GNAO1: variants seen among roughly 807,000 people sequenced by gnomAD.
GNAO1 encodes guanine nucleotide-binding protein G(o) subunit alpha.
For synonymous variants in GNAO1, 164 were observed against 180.7 expected (o/e 0.91, Z 0.74); for missense variants, 166 against 478.7 (o/e 0.35, Z 6.10).
At chr16:56,309,348 A>T (rs2037431292) in intron 3 of GNAO1, among the ~76,000 whole-genome samples, 1 of 152,130 alleles carries the variant, frequency 6.6e-6, no homozygotes, top group South Asian at 2.1e-4. Context: ...AGAGATGGGG[A>T]GAGATGATAG....
At chr16:56,234,848 GT>G (rs570476340) in intron 2 of GNAO1, among the ~76,000 whole-genome samples, 176 of 152,018 alleles carry the variant, frequency 1.2e-3, no homozygotes, top group African/African-American at 4.0e-3. Context: ...GTCTACCTCT[GT>G]CCCCCTGGTC....
At chr16:56,228,015 C>A (rs1402179368) in intron 2 of GNAO1, among the ~76,000 whole-genome samples, 2 of 152,168 alleles carry the variant, frequency 1.3e-5, no homozygotes, top group Non-Finnish European at 2.9e-5. Context: ...CCTCCATTCC[C>A]TGCCTGGGCA....
At chr16:56,300,035 GTGCGCGCGCGCGCGCGCACGCACA>G (rs1446999252) in intron 3 of GNAO1, among the ~76,000 whole-genome samples, 4 of 96,856 alleles carry the variant, frequency 4.1e-5, no homozygotes, top group East Asian at 5.5e-4. Context: ...GTGTGTGTGT[GTGCGCGCGCGCGCGCGCACGCACA>G]TGTGCTTGTG....
chr16:56,195,534 T>C (rs2036224987), intron 2 of GNAO1, among the ~76,000 whole-genome samples: 1 of 152,194 alleles, frequency 6.6e-6, no homozygotes, highest in Non-Finnish European at 1.5e-5. Flanking sequence ...GGCCCGAAAA[T>C]CTAGGTGGCA....
intron 2 of GNAO1, among the ~76,000 whole-genome samples, chr16:56,238,520 C>T (rs1040129240): frequency 3.9e-5 from 6 of 152,194 alleles, no homozygotes; most frequent in African/African-American, 1.4e-4. Flanking sequence ...TTAATAATGT[C>T]AACATAGTGG....
chr16:56,271,852 A>C (rs2037021099), intron 2 of GNAO1, among the ~76,000 whole-genome samples: 1 of 152,218 alleles, frequency 6.6e-6, no homozygotes, highest in Admixed American at 6.5e-5. Context: ...ACCGAGGCTC[A>C]GGAGATTAAA....
At chr16:56,271,690 T>C (rs2037019664) in intron 2 of GNAO1, among the ~76,000 whole-genome samples, 1 of 152,192 alleles carries the variant, frequency 6.6e-6, no homozygotes. Flanking sequence ...CCTGACCTCG[T>C]GATCTGCCTG....
At chr16:56,350,952 G>A (rs2097807075) in intron 6 of GNAO1, among the ~76,000 whole-genome samples, 2 of 151,538 alleles carry the variant, frequency 1.3e-5, no homozygotes, top group Admixed American at 6.6e-5. Context: ...GATGCACACA[G>A]GCATGCACAC....
At chr16:56,216,646 A>T (rs745465223) in intron 2 of GNAO1, among the ~76,000 whole-genome samples, 33 of 152,346 alleles carry the variant, frequency 2.2e-4, no homozygotes, top group Non-Finnish European at 4.0e-4. Flanking sequence ...AGGAGTATCA[A>T]ATGATATAAT....
intron 2 of GNAO1, among the ~76,000 whole-genome samples, chr16:56,275,295 G>A (rs994994934): frequency 2.0e-5 from 3 of 152,232 alleles, no homozygotes; most frequent in East Asian, 1.9e-4. Context: ...GCAGTGCCAC[G>A]TGGCCTCTGA....
intron 2 of GNAO1, chr16:56,255,389 A>C (rs1163823380): frequency 6.6e-6 from 1 of 152,218 alleles, no homozygotes; most frequent in African/African-American, 2.4e-5. Context: ...TCCTCTAAAA[A>C]ATGATGGGCA....
intron 3 of GNAO1, among the ~76,000 whole-genome samples, chr16:56,280,903 G>A (rs1266896530): frequency 1.3e-5 from 2 of 152,146 alleles, no homozygotes; most frequent in Non-Finnish European, 2.9e-5. Flanking sequence ...TGAAGCTCTG[G>A]GAATTACTGA....
chr16:56,345,528 C>A (rs552003909), intron 6 of GNAO1: 994 of 984,738 alleles, frequency 1.0e-3, no homozygotes, highest in Non-Finnish European at 1.1e-3. Context: ...GACCCAGGAA[C>A]CTTCCCTAGT....
intron 2 of GNAO1, among the ~76,000 whole-genome samples, chr16:56,198,548 C>T (rs1321347550): frequency 6.6e-6 from 1 of 152,200 alleles, no homozygotes; most frequent in Non-Finnish European, 1.5e-5. Flanking sequence ...CTACTGCTAA[C>T]TAAATATGTG....
chr16:56,243,146 C>G (rs1016760274), intron 2 of GNAO1, among the ~76,000 whole-genome samples: 12 of 151,754 alleles, frequency 7.9e-5, no homozygotes, highest in African/African-American at 2.9e-4. Flanking sequence ...AAAACAAGCT[C>G]AGGGCTCCCA....
intron 2 of GNAO1, chr16:56,193,520 G>GCCC (rs2036201731): frequency 6.1e-6 from 1 of 162,760 alleles, no homozygotes; most frequent in African/African-American, 2.4e-5. Context: ...ACTTGCCGCC[G>GCCC]CCCCCTTCTG....
rs563483731 is a variant in GNAO1 at position 56,344,326 on chromosome 16, C to T, written c.724-7058C>T. On this transcript the variant is annotated intron_variant, in intron 6 of 8. Transcript: ENST00000262493. ...CCTGTCATCTTGGGTGGTGCAGGGG[C>T]GCAGATGGCCCTGCAGCAGGGTGCT... 4.2e-5 allele frequency: 46 copies of T among 1,091,620 alleles called. No homozygotes were observed. The South Asian group carries it at 7.3e-4, about 17-fold the overall frequency. 67.6% of individuals were successfully genotyped at this position (1,091,620 alleles called of 1,614,324 possible). A position where few individuals can be genotyped will look rare whatever the true frequency, so the allele number is the denominator to read the frequency against.
chr16:56,221,205 C>T (rs768974915), intron 2 of GNAO1, among the ~76,000 whole-genome samples: 17 of 152,236 alleles, frequency 1.1e-4, no homozygotes, highest in East Asian at 1.9e-4. Flanking sequence ...TCTACAACTG[C>T]GAGAAAATAA....
chr16:56,207,146 T>C (rs1326025044), intron 2 of GNAO1, among the ~76,000 whole-genome samples: 1 of 152,234 alleles, frequency 6.6e-6, no homozygotes, highest in Non-Finnish European at 1.5e-5. Context: ...ATTTTACAGA[T>C]GAAGAAACTG....
Sources: gnomAD v4.1 joint callset for allele counts (sites outside exome capture counted in the v4.1 genomes callset) on GRCh38, gnomAD v4.1.1 for gene constraint, MANE v1.5 for transcripts, NCBI Gene and HGNC (gene_info 2026-07-23, HGNC 2026-07-21) for gene names.